The following DNAH14 variants were observed in gnomAD, a reference collection of about 807,000 sequenced individuals.
DNAH14 encodes axonemal beta dynein heavy chain 14.
Under a neutral mutation model 520.9 loss-of-function variants are expected in DNAH14, and 478 were observed. That is an observed-to-expected ratio of 0.92 (90% CI 0.85 to 0.99). DNAH14 has a LOEUF of 0.99. Ranked by LOEUF, DNAH14 falls within the 50% of genes least tolerant of loss-of-function variation. The pLI, the probability that DNAH14 is intolerant of heterozygous loss-of-function variation, is 0.00. For synonymous variants in DNAH14, 1,581 were observed against 1,757.2 expected (o/e 0.90, Z 2.51); for missense variants, 4,831 against 5,234.5 (o/e 0.92, Z 2.38).
chr1:225,201,504 G>A (rs1031420292), intron 38 of DNAH14, among the ~76,000 whole-genome samples: 11 of 152,080 alleles, frequency 7.2e-5, no homozygotes, highest in Non-Finnish European at 1.5e-4. Flanking sequence ...TCTGTCAGAG[G>A]GAAGGTCTAG....
chr1:225,095,975 A>G (rs2074928520), intron 21 of DNAH14, among the ~76,000 whole-genome samples: 1 of 152,020 alleles, frequency 6.6e-6, no homozygotes, highest in Non-Finnish European at 1.5e-5. Context: ...TAATTAATTA[A>G]TTTATTTTTG....
At chr1:225,125,192 T>C (rs1343755027) in intron 27 of DNAH14, among the ~76,000 whole-genome samples, 2 of 152,096 alleles carry the variant, frequency 1.3e-5, no homozygotes, top group East Asian at 3.9e-4. Context: ...GGTCCTAGGA[T>C]TTTCAAAACG....
chr1:225,191,913 T>C (rs2085488743), intron 37 of DNAH14, among the ~76,000 whole-genome samples: 1 of 152,092 alleles, frequency 6.6e-6, no homozygotes, highest in Non-Finnish European at 1.5e-5. Context: ...ATAATTTCTG[T>C]ATCTTTAATA....
At chr1:225,173,702 C>T (rs184064040) in intron 36 of DNAH14, among the ~76,000 whole-genome samples, 3,265 of 152,242 alleles carry the variant, frequency 0.021, 89 homozygotes, top group African/African-American at 0.062. Flanking sequence ...GTCAGTGTGG[C>T]GATTCTTCAG....
At chr1:225,103,589 T>G (rs2075725565) in intron 23 of DNAH14, among the ~76,000 whole-genome samples, 2 of 152,142 alleles carry the variant, frequency 1.3e-5, no homozygotes, top group African/African-American at 4.8e-5. Context: ...GTAGTTCTCC[T>G]TGAAGAGGTC....
At chr1:225,136,020 A>T (rs2078927087) in intron 27 of DNAH14, among the ~76,000 whole-genome samples, 1 of 151,954 alleles carries the variant, frequency 6.6e-6, no homozygotes, top group Non-Finnish European at 1.5e-5. Flanking sequence ...ATTTTCCCTT[A>T]TCCCTTTATT....
intron 17 of DNAH14, among the ~76,000 whole-genome samples, chr1:225,075,491 A>G (rs2072152050): frequency 6.6e-6 from 1 of 152,144 alleles, no homozygotes; most frequent in Non-Finnish European, 1.5e-5. Context: ...AAATTTCTAA[A>G]TTTAGTCATT....
intron 66 of DNAH14, among the ~76,000 whole-genome samples, chr1:225,335,923 A>G (rs1490177009): frequency 2.1e-5 from 3 of 145,226 alleles, no homozygotes; most frequent in African/African-American, 2.5e-5. Flanking sequence ...GTATATATGC[A>G]CATATACCTA....
chr1:225,375,028 C>T (rs769657998), intron 78 of DNAH14, 143 bp downstream of exon 78: 3 of 738,600 alleles, frequency 4.1e-6, no homozygotes, highest in Admixed American at 6.0e-5. Context: ...AAGTAATTTA[C>T]CCATGACTCT....
chr1:225,224,699 C>T (rs1369916680), intron 41 of DNAH14, among the ~76,000 whole-genome samples: 1 of 152,164 alleles, frequency 6.6e-6, no homozygotes, highest in African/African-American at 2.4e-5. Flanking sequence ...CCATACCTAA[C>T]GCTTCTGGTA....
At chr1:225,277,094 G>A (rs1458411002) in intron 53 of DNAH14, among the ~76,000 whole-genome samples, 1 of 99,558 alleles carries the variant, frequency 1.0e-5, no homozygotes, top group Non-Finnish European at 2.1e-5. Flanking sequence ...TGGCAAGGGG[G>A]GAGGGGGAAA....
intron 83 of DNAH14, 119 bp downstream of exon 83, chr1:225,389,992 T>G: frequency 2.3e-6 from 2 of 881,184 alleles, no homozygotes; most frequent in South Asian, 3.5e-5. Flanking sequence ...CCTCCACAGG[T>G]GCCTGGGTCT....
chr1:225,016,273 T>C (rs544480397), intron 10 of DNAH14, among the ~76,000 whole-genome samples: 1 of 152,324 alleles, frequency 6.6e-6, no homozygotes, highest in East Asian at 1.9e-4. Context: ...TTTTTGCTTA[T>C]CTGTAAAAGA....
rs2095926039 is a variant in DNAH14 at position 225,392,232 on chromosome 1, C to A, written c.13331-59C>A. The stretch of plus-strand genomic sequence containing the variant: ...CTCCATGAGACATCATTGTTGCTAA[C>A]CCCAGCAGGAGGCCCTGAGACTCAC... On this transcript the variant is annotated intron_variant, in intron 83 of 85. Coordinates refer to ENST00000682510, the MANE Select transcript of DNAH14 (RefSeq NM_001367479.1). 3.3e-6 allele frequency: 5 copies of A among 1,531,638 alleles called. No individual in the cohort carries two copies. In the South Asian group the frequency reaches 3.7e-5, roughly 11 times the overall value. The allele number at this position is 1,531,638 out of a possible 1,614,324, so 94.9% of individuals were successfully genotyped here.
At chr1:225,056,313 T>A (rs922562512) in intron 17 of DNAH14, among the ~76,000 whole-genome samples, 1 of 152,236 alleles carries the variant, frequency 6.6e-6, no homozygotes, top group Admixed American at 6.5e-5. Flanking sequence ...TTCATGTCTT[T>A]TGGCTGCATA....
At chr1:224,941,821 A>G (rs182272038) in intron 1 of DNAH14, among the ~76,000 whole-genome samples, 3 of 152,232 alleles carry the variant, frequency 2.0e-5, no homozygotes, top group Admixed American at 1.3e-4. Flanking sequence ...ATGGTTGTAG[A>G]TATGTGGCAT....
chr1:224,971,857 C>T (rs756795258), intron 7 of DNAH14, among the ~76,000 whole-genome samples: 32 of 151,946 alleles, frequency 2.1e-4, no homozygotes, highest in Non-Finnish European at 8.8e-5. Context: ...GACTGAGTAA[C>T]AGTTCTGAGA....
chr1:225,151,986 A>T lies in DNAH14; in HGVS notation c.4941-19A>T. ...CTAGAGAAAACAGTGCTAGTGATGA[A>T]TACTGTAATGTCTTTTAGGTTTGTA... On this transcript the variant is annotated intron_variant, in intron 31 of 85. Transcript: ENST00000682510. The T allele has an allele frequency of 6.5e-7, 1 of 1,546,076 alleles. No individual in the cohort carries two copies. Among genetic ancestry groups the T allele is most frequent in the African/African-American group, 1.4e-5 (1 of 73,048 alleles).
intron 41 of DNAH14, among the ~76,000 whole-genome samples, chr1:225,221,901 G>C (rs74516647): frequency 0.021 from 3,231 of 152,256 alleles, 89 homozygotes; most frequent in African/African-American, 0.062. Flanking sequence ...AATTCAGGGG[G>C]TCAACTATGT....
Sources: allele counts gnomAD v4.1 joint callset (sites outside exome capture counted in the v4.1 genomes callset), GRCh38; gene constraint gnomAD v4.1.1; transcripts MANE v1.5; gene names NCBI Gene and HGNC (gene_info 2026-07-23, HGNC 2026-07-21).